ARHGAP42: variants seen among roughly 807,000 people sequenced by gnomAD.
ARHGAP42 encodes rho GTPase-activating protein 42.
Under a neutral mutation model 125.0 loss-of-function variants are expected in ARHGAP42, and 63 were observed. The ratio of observed to expected loss-of-function variants is 0.50; its 90% CI spans 0.41 to 0.62. ARHGAP42 has a LOEUF of 0.62. ARHGAP42 is among the 20% of genes least tolerant of loss of function. The pLI is 0.00. For synonymous variants in ARHGAP42, 339 were observed against 351.0 expected (o/e 0.97, Z 0.38); for missense variants, 766 against 1,024.2 (o/e 0.75, Z 3.44).
rs888467044 is a variant in ARHGAP42, at chr11:100,976,309, G to A, written c.2108G>A (p.Ser703Asn). Residue 703 changes from serine to asparagine, a missense_variant, in exon 20 of 24, where the codon AGT becomes AAT. By Grantham distance (46) the Ser-to-Asn change is conservative. Around this residue, in one of 3 missense-constraint regions of ARHGAP42, gnomAD observed 308 missense variants for 369.7 expected, o/e 0.83. Transcript: ENST00000298815. ...ACAGATGCAGAATCAGACTGCCAGA[G>A]TGTTGCTTCAGTCACTAGCCCAGGA... ...TKTDAESDCQ[S>N]VASVTSPGDV... 156 of 1,551,674 alleles carry A rather than the reference G, an allele frequency of 1.0e-4. No individual in the cohort carries two copies. The highest frequency in any genetic ancestry group is 1.3e-4 in the Non-Finnish European group (154 of 1,146,880).
chr11:100,802,552 G>T (rs1218668520), intron 3 of ARHGAP42, among the ~76,000 whole-genome samples: 2 of 151,638 alleles, frequency 1.3e-5, no homozygotes, highest in Admixed American at 1.3e-4. Context: ...AGCCTCCTGA[G>T]TAGCTAGGAC....
intron 1 of ARHGAP42, among the ~76,000 whole-genome samples, chr11:100,715,251 C>T (rs900963039): frequency 2.0e-5 from 3 of 152,032 alleles, no homozygotes; most frequent in East Asian, 3.8e-4. Flanking sequence ...GATCTCCCTA[C>T]GCATTCATTT....
intron 1 of ARHGAP42, among the ~76,000 whole-genome samples, chr11:100,699,254 T>C (rs1861348151): frequency 6.6e-6 from 1 of 151,778 alleles, no homozygotes; most frequent in African/African-American, 2.4e-5. Flanking sequence ...CTTGTTCTCT[T>C]TGTATTCCTT....
chr11:100,694,813 G>T (rs899791493), intron 1 of ARHGAP42, among the ~76,000 whole-genome samples: 2 of 152,208 alleles, frequency 1.3e-5, no homozygotes, highest in Non-Finnish European at 2.9e-5. Flanking sequence ...TGGATCACTT[G>T]AGGTCAGGAA....
chr11:100,951,854 TA>T (rs1857659169), intron 12 of ARHGAP42, among the ~76,000 whole-genome samples: 1 of 152,110 alleles, frequency 6.6e-6, no homozygotes, highest in Non-Finnish European at 1.5e-5. Flanking sequence ...TTTTGTATGG[TA>T]TATTAGTTTC....
intron 3 of ARHGAP42, among the ~76,000 whole-genome samples, chr11:100,835,678 T>A (rs1250441768): frequency 6.6e-6 from 1 of 152,144 alleles, no homozygotes; most frequent in Non-Finnish European, 1.5e-5. Context: ...ATCATTTTCA[T>A]CTTAATGATA....
At position 100,781,076 on chromosome 11, in the gene ARHGAP42, T is replaced by A. The variant is rs75998700; in HGVS notation, c.250+10638T>A. ...TTTTTGGTGTTTTCCTAGTTTTCTT[T>A]GTGGAGTTTCTCTAACTTATGTTAA... On this transcript the variant is annotated intron_variant, in intron 2 of 23. Coordinates refer to ENST00000298815, the MANE Select transcript of ARHGAP42 (RefSeq NM_152432.4). 3.4e-3 allele frequency among the ~76,000 whole-genome samples: 516 copies of A among 152,310 alleles called. 3 individuals are homozygous for A. Among genetic ancestry groups the A allele is most frequent in the African/African-American group, 0.012 (499 of 41,580 alleles).
rs528477289 is a variant in ARHGAP42, at chr11:100,900,305, G to C, written c.385-13147G>C. Among the ~76,000 whole-genome samples, 7 of 152,238 alleles carry C rather than the reference G, an allele frequency of 4.6e-5. No homozygotes were observed. In the South Asian group the frequency reaches 1.5e-3, roughly 32 times the overall value. On this transcript the variant is annotated intron_variant, in intron 4 of 23. Coordinates refer to ENST00000298815, the MANE Select transcript of ARHGAP42 (RefSeq NM_152432.4). The stretch of plus-strand genomic sequence containing the variant: ...CTAATCTGATGGGCTTCCCTTAGTG[G>C]GTAACCTGACCTTTCTCTCTGGCTG...
chr11:100,970,228 A>G (rs889646398), intron 17 of ARHGAP42, among the ~76,000 whole-genome samples: 4 of 152,056 alleles, frequency 2.6e-5, no homozygotes, highest in Admixed American at 2.6e-4. Context: ...TCCTCAGGTG[A>G]TCCACCCGCC....
intron 2 of ARHGAP42, among the ~76,000 whole-genome samples, chr11:100,776,876 G>A (rs1326616061): frequency 3.3e-5 from 5 of 151,734 alleles, no homozygotes; most frequent in African/African-American, 7.3e-5. Flanking sequence ...CCAGCTACTC[G>A]GGAAGCTGAG....
intron 11 of ARHGAP42, among the ~76,000 whole-genome samples, chr11:100,948,964 G>GC (rs1868099533): frequency 1.3e-5 from 2 of 152,002 alleles, no homozygotes; most frequent in African/African-American, 4.8e-5. Context: ...TAATAAAACT[G>GC]CCTGTGGCTT....
At chr11:100,966,357 T>C (rs112826092) in intron 17 of ARHGAP42, among the ~76,000 whole-genome samples, 2 of 152,128 alleles carry the variant, frequency 1.3e-5, no homozygotes, top group Non-Finnish European at 2.9e-5. Flanking sequence ...TATAAAGAGA[T>C]AGAGATTGGT....
chr11:100,804,981 A>G (rs529787506), intron 3 of ARHGAP42, among the ~76,000 whole-genome samples: 4 of 152,316 alleles, frequency 2.6e-5, no homozygotes, highest in South Asian at 2.1e-4. Flanking sequence ...GCCTTGCATT[A>G]TATTTCTATG....
chr11:100,745,030 T>C (rs1269513905), intron 1 of ARHGAP42, among the ~76,000 whole-genome samples: 1 of 151,286 alleles, frequency 6.6e-6, no homozygotes, highest in Non-Finnish European at 1.5e-5. Context: ...TTAAAGAGAG[T>C]GATGGGATGA....
intron 1 of ARHGAP42, among the ~76,000 whole-genome samples, chr11:100,763,938 T>G (rs1290718548): frequency 6.6e-6 from 1 of 152,126 alleles, no homozygotes; most frequent in African/African-American, 2.4e-5. Flanking sequence ...GGTAAAGGAT[T>G]CGTTAAATGT....
intron 4 of ARHGAP42, among the ~76,000 whole-genome samples, chr11:100,905,404 A>T (rs777194270): frequency 2.6e-5 from 4 of 152,178 alleles, no homozygotes; most frequent in Non-Finnish European, 5.9e-5. Context: ...ACTTCCACCT[A>T]TGGAAAATGA....
rs542830263 is a variant in ARHGAP42 at position 100,776,657 on chromosome 11, A to C, written c.250+6219A>C. On this transcript the variant is annotated intron_variant, in intron 2 of 23. Coordinates refer to ENST00000298815, the MANE Select transcript of ARHGAP42 (RefSeq NM_152432.4). ...TACTCCATTTTAAATGCAGATATGC[A>C]GACATAGCAACAAGGATAGTGCCTA... is the stretch of plus-strand genomic sequence containing the variant. Among the ~76,000 whole-genome samples, 4 of 152,262 alleles carry C rather than the reference A, an allele frequency of 2.6e-5. No homozygotes were observed. In the East Asian group the frequency reaches 7.7e-4, roughly 29 times the overall value.
At chr11:100,831,031 T>C (rs1864652222) in intron 3 of ARHGAP42, among the ~76,000 whole-genome samples, 1 of 152,232 alleles carries the variant, frequency 6.6e-6, no homozygotes, top group Non-Finnish European at 1.5e-5. Context: ...ATCAAGTATT[T>C]GCAAGTTATA....
In ARHGAP42 at chr11:100,791,153, G is replaced by A. The variant is rs74902936; in HGVS notation, c.251-3952G>A. On this transcript the variant is annotated intron_variant, in intron 2 of 23. Coordinates refer to ENST00000298815, the MANE Select transcript of ARHGAP42 (RefSeq NM_152432.4). Reference sequence around the variant, plus strand: ...TCATGGTCTCTTAGGGCATTTTTGGGTCCTGTGTACCAGAAGTTCTAACCC... The same window carrying A: ...TCATGGTCTCTTAGGGCATTTTTGGATCCTGTGTACCAGAAGTTCTAACCC... Among the ~76,000 whole-genome samples the A allele has an allele frequency of 3.4e-3, 516 of 152,198 alleles. 3 individuals are homozygous for A. Among genetic ancestry groups the A allele is most frequent in the African/African-American group, 0.012 (499 of 41,520 alleles).
Sources: gnomAD v4.1 joint callset for allele counts (sites outside exome capture counted in the v4.1 genomes callset) on GRCh38, gnomAD v4.1.1 for gene constraint, gnomAD v4.1.1 regional missense constraint, MANE v1.5 for transcripts, NCBI Gene and HGNC (gene_info 2026-07-23, HGNC 2026-07-21) for gene names.